The following RPL5 variants were observed in gnomAD, a reference collection of about 807,000 sequenced individuals.
The protein encoded by RPL5 is large ribosomal subunit protein uL18.
Under a neutral mutation model 38.4 loss-of-function variants are expected in RPL5, and 1 was observed. That is an observed-to-expected ratio of 0.03 (90% confidence interval 0.01 to 0.12). RPL5 has a LOEUF of 0.12. Ranked by LOEUF, RPL5 falls within the 10% of genes least tolerant of loss-of-function variation. The probability of loss-of-function intolerance (pLI) is 1.00; values close to 1 mark genes in which losing one functional copy is unlikely to be tolerated. For synonymous variants in RPL5, 109 were observed against 121.2 expected (o/e 0.90, Z 0.66); for missense variants, 243 against 374.1 (o/e 0.65, Z 2.89).
At chr1:92,840,703 G>C (rs1687323224) in intron 7 of RPL5, 64 bp downstream of exon 7, 3 of 1,163,474 alleles carry the variant, frequency 2.6e-6, no homozygotes, top group Admixed American at 1.7e-5. Flanking sequence ...ACGTGGGGCA[G>C]ACTGTTGGTG....
intron 6 of RPL5, among the ~76,000 whole-genome samples, chr1:92,838,623 C>T (rs1319104782): frequency 6.6e-6 from 1 of 152,232 alleles, no homozygotes; most frequent in African/African-American, 2.4e-5. Flanking sequence ...TCCTGTGTGC[C>T]TGCTGAAATC....
intron 6 of RPL5, among the ~76,000 whole-genome samples, chr1:92,839,004 AATT>A (rs1405611834): frequency 2.0e-5 from 3 of 150,692 alleles, no homozygotes; most frequent in African/African-American, 7.3e-5. Flanking sequence ...AGTGGGCTAT[AATT>A]ATTAGATATT....
In RPL5 at chr1:92,837,578, A is replaced by T; in HGVS notation, c.650A>T (p.Asp217Val). 6.2e-7 allele frequency: 1 copy of T among 1,612,136 alleles called. No homozygotes were observed. Among genetic ancestry groups the T allele is most frequent in the Non-Finnish European group, 8.5e-7 (1 of 1,179,832 alleles). ...YMRYLMEEDEDAYKKQFSQYI... is the reference protein window; with the variant it reads ...YMRYLMEEDEVAYKKQFSQYI... ...CGCTACTTAATGGAAGAAGATGAAG[A>T]TGCTTACAAGAAACAGTTCTCTCAA... Residue 217 changes from aspartate to valine, a missense_variant, in exon 6 of 8, where the codon GAT becomes GTT. By Grantham distance (152) the Asp-to-Val change is radical. Transcript: ENST00000370321.
intron 6 of RPL5, among the ~76,000 whole-genome samples, chr1:92,839,668 C>T (rs919903373): frequency 2.0e-5 from 3 of 152,176 alleles, no homozygotes; most frequent in African/African-American, 7.2e-5. Flanking sequence ...ATACGTTCAT[C>T]ATCTTAATAT....
rs376070413 is a variant in RPL5 at position 92,832,067 on chromosome 1, G to C, written c.-48G>C. The C allele has an allele frequency of 6.2e-6, 10 of 1,613,286 alleles. No homozygotes were observed. The East Asian group carries it at 6.7e-5, about 11-fold the overall frequency. ...TTTTCCCACCCCCTAGCGCCGCTGGGCCTGCAGGTCTCTGTCGAGCAGCGG... is the reference window on the plus strand; with the variant it reads ...TTTTCCCACCCCCTAGCGCCGCTGGCCCTGCAGGTCTCTGTCGAGCAGCGG... On this transcript the variant is annotated 5_prime_UTR_variant, in exon 1 of 8. Coordinates refer to ENST00000370321, the MANE Select transcript of RPL5 (RefSeq NM_000969.5).
chr1:92,839,247 G>A (rs902968425), intron 6 of RPL5, among the ~76,000 whole-genome samples: 1 of 152,012 alleles, frequency 6.6e-6, no homozygotes, highest in Non-Finnish European at 1.5e-5. Flanking sequence ...TAATCCCAGC[G>A]ACTCGGGAGG....
intron 6 of RPL5, 189 bp from the exon 7 acceptor site, chr1:92,840,362 A>G: frequency 5.3e-6 from 3 of 565,488 alleles, no homozygotes; most frequent in Non-Finnish European, 9.5e-6. Flanking sequence ...TTCACATTGC[A>G]TAAGGTGAAA....
At position 92,836,173 on chromosome 1, in the gene RPL5, A is replaced by G. The variant is rs2100684491; in HGVS notation, c.325-17A>G. 2 of 1,603,986 alleles carry G rather than the reference A, an allele frequency of 1.2e-6. No homozygotes were observed. Among genetic ancestry groups the G allele is most frequent in the Non-Finnish European group, 8.5e-7 (1 of 1,172,460 alleles). On this transcript the variant is annotated splice_polypyrimidine_tract_variant and intron_variant, in intron 4 of 7. Coordinates refer to ENST00000370321, the MANE Select transcript of RPL5 (RefSeq NM_000969.5). The stretch of plus-strand genomic sequence containing the variant: ...TTGAATAATTGAAACCAGCATTTAC[A>G]TTGGTTTCTTGAATAGCTTCTCAAT...
chr1:92,833,512 A>G (rs1401888829), intron 2 of RPL5, 33 bp from the exon 3 acceptor site: 1 of 1,610,296 alleles, frequency 6.2e-7, no homozygotes, highest in African/African-American at 1.3e-5. Flanking sequence ...GATGCAGTGG[A>G]GTATCCTTTC....
At chr1:92,836,100 C>T in intron 4 of RPL5, 90 bp from the exon 5 acceptor site, 2 of 1,211,642 alleles carry the variant, frequency 1.7e-6, no homozygotes, top group Non-Finnish European at 2.5e-6. Context: ...TTCCAGATGT[C>T]AGTGGTCCTT....
At chr1:92,838,793 G>T (rs1478273080) in intron 6 of RPL5, among the ~76,000 whole-genome samples, 1 of 152,216 alleles carries the variant, frequency 6.6e-6, no homozygotes, top group African/African-American at 2.4e-5. Context: ...TTATTTGTTA[G>T]TGAACAGCTA....
intron 1 of RPL5, chr1:92,832,401 A>G (rs1686945290): frequency 6.9e-6 from 4 of 582,956 alleles, no homozygotes; most frequent in African/African-American, 3.7e-5. Context: ...ACTGCCGTCT[A>G]GTGTGAGGGG....
chr1:92,836,878 C>T (rs933302742), intron 5 of RPL5: 5 of 204,446 alleles, frequency 2.4e-5, no homozygotes, highest in Non-Finnish European at 4.0e-5. Flanking sequence ...TTTGTAGTTC[C>T]ATTGGTTTAA....
chr1:92,835,935 A>T (rs1260973496), intron 4 of RPL5, among the ~76,000 whole-genome samples: 3 of 152,238 alleles, frequency 2.0e-5, no homozygotes, highest in Non-Finnish European at 4.4e-5. Flanking sequence ...ATTGCTGCAT[A>T]AGTCAAGTGT....
intron 6 of RPL5, among the ~76,000 whole-genome samples, chr1:92,838,816 T>C (rs1687223762): frequency 6.6e-6 from 1 of 152,166 alleles, no homozygotes; most frequent in South Asian, 2.1e-4. Flanking sequence ...TATAATAGAG[T>C]GCTAAAAGAG....
At chr1:92,835,075 T>G in intron 4 of RPL5, 162 bp downstream of exon 4, 2 of 1,016,484 alleles carry the variant, frequency 2.0e-6, no homozygotes, top group African/African-American at 1.6e-5. Context: ...GTCAGCTCTT[T>G]CCAATAAAAT....
At chr1:92,838,397 T>G (rs773306799) in intron 6 of RPL5, among the ~76,000 whole-genome samples, 1 of 152,234 alleles carries the variant, frequency 6.6e-6, no homozygotes, top group Non-Finnish European at 1.5e-5. Flanking sequence ...ACTTTTGGAT[T>G]ATGATTCTAC....
At chr1:92,839,170 C>T (rs1239127421) in intron 6 of RPL5, among the ~76,000 whole-genome samples, 1 of 151,348 alleles carries the variant, frequency 6.6e-6, no homozygotes, top group Non-Finnish European at 1.5e-5. Flanking sequence ...ACCAGCCTGG[C>T]CAATATGGTG....
Position 92,840,633 on chromosome 1 carries a change from A to G in RPL5, c.788A>G (p.Lys263Arg), listed in dbSNP as rs1379364559. 3 of 1,607,836 alleles carry G rather than the reference A, an allele frequency of 1.9e-6. No individual in the cohort carries two copies. Among genetic ancestry groups the G allele is most frequent in the South Asian group, 2.2e-5 (2 of 91,032 alleles). The change falls in exon 7 of 8, where the codon AAG becomes AGG. Residue 263 changes from lysine to arginine, a missense_variant. Lys to Arg is a conservative substitution (Grantham distance 26). Coordinates refer to ENST00000370321, the MANE Select transcript of RPL5 (RefSeq NM_000969.5). ...AAGAAGCCCAAGAAAGAAGTTAAAA[A>G]GAAGAGGTATGTCGTCTTTTTTTTT... ...YEKKPKKEVK[K>R]KRWNRPKMSL...
Sources: allele counts gnomAD v4.1 joint callset (sites outside exome capture counted in the v4.1 genomes callset), GRCh38; gene constraint gnomAD v4.1.1; transcripts MANE v1.5; gene names NCBI Gene and HGNC (gene_info 2026-07-23, HGNC 2026-07-21).